The following DYNLT2B variants were observed in gnomAD, a reference collection of about 807,000 sequenced individuals.
DYNLT2B encodes the protein dynein light chain Tctex-type 2B, also known as dynein light chain Tctex-type protein 2B.
Under a neutral mutation model 19.5 loss-of-function variants are expected in DYNLT2B, and 14 were observed. The ratio of observed to expected loss-of-function variants is 0.72; its 90% CI spans 0.47 to 1.12. The LOEUF (loss-of-function observed/expected upper bound fraction) is 1.12, where lower values mean the gene tolerates loss of function less well. DYNLT2B is among the 50% of genes most tolerant of loss of function. DYNLT2B has a pLI of 0.00. For synonymous variants in DYNLT2B, 70 were observed against 59.7 expected (o/e 1.17, Z -0.79); for missense variants, 133 against 174.7 (o/e 0.76, Z 1.35).
intron 3 of DYNLT2B, among the ~76,000 whole-genome samples, chr3:196,300,200 T>C (rs1027741280): frequency 6.6e-6 from 1 of 152,354 alleles, no homozygotes; most frequent in East Asian, 1.9e-4. Context: ...TTTGGATTTC[T>C]GATCTCCAGA....
intron 2 of DYNLT2B, among the ~76,000 whole-genome samples, chr3:196,310,516 C>T (rs1281930773): frequency 6.6e-6 from 1 of 151,980 alleles, no homozygotes; most frequent in African/African-American, 2.4e-5. Context: ...GCAACCTCCA[C>T]CTCCTGGGTT....
intron 2 of DYNLT2B, among the ~76,000 whole-genome samples, chr3:196,307,530 T>C (rs1316920849): frequency 6.6e-6 from 1 of 152,004 alleles, no homozygotes; most frequent in Non-Finnish European, 1.5e-5. Context: ...CTCGAACTCC[T>C]GACCTCAGGT....
rs1553839984 is a variant in DYNLT2B at position 196,296,087 on chromosome 3, G to T, written c.318-18C>A. 1 of 1,610,726 alleles carries T rather than the reference G, an allele frequency of 6.2e-7. No individual in the cohort carries two copies. The highest frequency in any genetic ancestry group is 1.1e-5 in the South Asian group (1 of 91,014). On this transcript the variant is annotated intron_variant, in intron 3 of 4. Coordinates refer to ENST00000325318, the MANE Select transcript of DYNLT2B (RefSeq NM_152773.5). ...AAGCCATGCTAAAAAATCCAAGAAT[G>T]AAGAATTATCAACAATCTAACAAGG...
At chr3:196,306,870 G>T in intron 3 of DYNLT2B, 73 bp downstream of exon 3, 1 of 1,384,608 alleles carries the variant, frequency 7.2e-7, no homozygotes, top group Non-Finnish European at 1.0e-6. Context: ...CACTCTTACT[G>T]AATTGTCCAA....
intron 2 of DYNLT2B, among the ~76,000 whole-genome samples, chr3:196,315,438 T>C (rs1726757288): frequency 6.6e-6 from 1 of 151,724 alleles, no homozygotes; most frequent in Non-Finnish European, 1.5e-5. Flanking sequence ...ATTTTTTGTA[T>C]TTTTAGTAGA....
intron 2 of DYNLT2B, among the ~76,000 whole-genome samples, chr3:196,308,656 G>C (rs1041610071): frequency 3.9e-5 from 6 of 152,224 alleles, no homozygotes; most frequent in Admixed American, 2.0e-4. Context: ...GAACGTGCAG[G>C]TTCCAAGATT....
chr3:196,294,837 C>G lies in DYNLT2B; in HGVS notation c.381+1169G>C, dbSNP rs568261426. ...TGGAACCTCCGCCACCAGGTTCAAG[C>G]AATTCTCCTGCCTCAGCCTCCCAAG... On this transcript the variant is annotated intron_variant, in intron 4 of 4. Coordinates refer to ENST00000325318, the MANE Select transcript of DYNLT2B (RefSeq NM_152773.5). Among the ~76,000 whole-genome samples the G allele has an allele frequency of 2.0e-5, 3 of 152,184 alleles. No homozygotes were observed. In the South Asian group the frequency reaches 6.2e-4, roughly 32 times the overall value.
intron 3 of DYNLT2B, among the ~76,000 whole-genome samples, chr3:196,297,053 C>T (rs545149933): frequency 1.3e-5 from 2 of 150,878 alleles, no homozygotes; most frequent in Admixed American, 6.6e-5. Context: ...ATTAGCCAGG[C>T]GTGGCGGCAG....
intron 3 of DYNLT2B, among the ~76,000 whole-genome samples, chr3:196,300,614 G>A (rs538073838): frequency 3.3e-5 from 5 of 150,818 alleles, no homozygotes; most frequent in African/African-American, 4.9e-5. Context: ...CTCTAATCCC[G>A]GTTACTCAGG....
At chr3:196,311,747 G>A (rs1263386927) in intron 2 of DYNLT2B, among the ~76,000 whole-genome samples, 3 of 151,766 alleles carry the variant, frequency 2.0e-5, no homozygotes, top group African/African-American at 4.8e-5. Flanking sequence ...GCACTGGCAC[G>A]ATCCCAGCTC....
chr3:196,301,316 G>T (rs760377427), intron 3 of DYNLT2B, among the ~76,000 whole-genome samples: 7 of 152,058 alleles, frequency 4.6e-5, no homozygotes, highest in African/African-American at 9.7e-5. Flanking sequence ...TTCAAACTAG[G>T]CATGCCAAGA....
intron 3 of DYNLT2B, among the ~76,000 whole-genome samples, chr3:196,304,191 G>A (rs1034903459): frequency 6.6e-6 from 1 of 151,982 alleles, no homozygotes; most frequent in East Asian, 1.9e-4. Flanking sequence ...GGAGTGCAGT[G>A]GCGTGATCTC....
At chr3:196,316,934 G>GGTGT (rs367746234) in intron 1 of DYNLT2B, among the ~76,000 whole-genome samples, 2 of 76,766 alleles carry the variant, frequency 2.6e-5, no homozygotes, top group Non-Finnish European at 5.6e-5. Flanking sequence ...TGTGTTGTGT[G>GGTGT]GTGTGTGTGT....
intron 3 of DYNLT2B, among the ~76,000 whole-genome samples, chr3:196,304,295 C>A (rs1388749006): frequency 6.6e-6 from 1 of 151,988 alleles, no homozygotes; most frequent in Non-Finnish European, 1.5e-5. Flanking sequence ...CCATGCCCGG[C>A]TAATTTTTTG....
Position 196,306,968 on chromosome 3 carries a change from C to A in DYNLT2B, c.292G>T (p.Gly98Ter). 1 of 1,614,094 alleles carries A rather than the reference C, an allele frequency of 6.2e-7. No individual in the cohort carries two copies. The highest frequency in any genetic ancestry group is 8.5e-7 in the Non-Finnish European group (1 of 1,179,978). ...AATACTCCTTCACCTCTTTGTTCTC[C>A]AATCACTACTTGCACCACCATTTTG... ...RYKMVVQVVI[G>*]EQRGEGVFMA... The change falls in exon 3 of 5, where the codon GGA becomes TGA. Residue 98 changes from glycine (G) to a stop codon, truncating the protein, a stop_gained. Coordinates refer to ENST00000325318, the MANE Select transcript of DYNLT2B (RefSeq NM_152773.5). LOFTEE classifies it high-confidence loss of function.
At chr3:196,296,292 G>A (rs1726221027) in intron 3 of DYNLT2B, 3 of 477,564 alleles carry the variant, frequency 6.3e-6, no homozygotes, top group Non-Finnish European at 1.1e-5. Context: ...GAGGTGACCA[G>A]CCAGGTACTC....
intron 2 of DYNLT2B, among the ~76,000 whole-genome samples, chr3:196,312,001 CCT>C (rs1726656039): frequency 6.6e-6 from 1 of 152,192 alleles, no homozygotes; most frequent in Non-Finnish European, 1.5e-5. Context: ...AAGCTATTCT[CCT>C]GTCTCAGCCT....
chr3:196,296,990 G>A lies in DYNLT2B; in HGVS notation c.318-921C>T, dbSNP rs368219806. Among the ~76,000 whole-genome samples the A allele has an allele frequency of 7.9e-5, 12 of 151,110 alleles. No homozygotes were observed. The East Asian group carries it at 1.6e-3, about 20-fold the overall frequency. ...GGGCAGATCACGAGGTCGGGGGATC[G>A]AGACCATCCTGGCTAACACGGTGAA... On this transcript the variant is annotated intron_variant, in intron 3 of 4. Coordinates refer to ENST00000325318, the MANE Select transcript of DYNLT2B (RefSeq NM_152773.5).
chr3:196,317,169 G>T (rs1360937484), intron 1 of DYNLT2B, among the ~76,000 whole-genome samples: 1 of 120,294 alleles, frequency 8.3e-6, no homozygotes, highest in Non-Finnish European at 1.7e-5. Context: ...GTGTGTGTGT[G>T]TGTGTGTGTG....
Sources: gnomAD v4.1 joint callset for allele counts (sites outside exome capture counted in the v4.1 genomes callset) on GRCh38, gnomAD v4.1.1 for gene constraint, MANE v1.5 for transcripts, NCBI Gene and HGNC (gene_info 2026-07-23, HGNC 2026-07-21) for gene names.